Variants in COL1A2 observed in about 807,000 individuals in gnomAD.
COL1A2 encodes the protein collagen alpha-2(I) chain.
A neutral mutation model predicts 174.3 loss-of-function variants in COL1A2; 49 were observed. The ratio of observed to expected loss-of-function variants is 0.28; its 90% CI spans 0.22 to 0.36. The LOEUF is 0.36. Among genes scored for constraint, COL1A2 ranks in the 10% least tolerant of loss-of-function variants. The pLI is 1.00. For missense variants in COL1A2, 1,438 were observed against 1,822.7 expected, an observed-to-expected ratio of 0.79 and a Z score of 3.84; for synonymous variants, 655 against 606.6, an observed-to-expected ratio of 1.08 and a Z score of -1.17.
Position 94,401,255 on chromosome 7 carries a change from C to T in COL1A2, c.226-312C>T, listed in dbSNP as rs2115863875. Among the ~76,000 whole-genome samples the T allele has an allele frequency of 1.3e-5, 2 of 152,128 alleles. 1 individual carries two copies. On this transcript the variant is annotated intron_variant, in intron 5 of 51. Coordinates refer to ENST00000297268, the MANE Select transcript of COL1A2 (RefSeq NM_000089.4). ...GTAACATTAAAAGTTTAGAAAGCTTCCCTTCCTCAGAGTAGAGGTAAAAGG... is the reference window on the plus strand; with the variant it reads ...GTAACATTAAAAGTTTAGAAAGCTTTCCTTCCTCAGAGTAGAGGTAAAAGG...
intron 12 of COL1A2, 40 bp from the exon 13 acceptor site, chr7:94,407,807 T>C: frequency 6.3e-7 from 1 of 1,596,318 alleles, no homozygotes; most frequent in Middle Eastern, 1.7e-4. Context: ...AAAATAATTG[T>C]TATATTTAAT....
intron 2 of COL1A2, 86 bp downstream of exon 2, chr7:94,397,844 C>T (rs1791613756): frequency 1.3e-6 from 1 of 778,226 alleles, no homozygotes; most frequent in Non-Finnish European, 2.1e-6. Context: ...GAAGAAGTTA[C>T]ATTAATATTG....
chr7:94,407,670 C>T (rs1377590478), intron 12 of COL1A2, among the ~76,000 whole-genome samples, 177 bp from the exon 13 acceptor site: 1 of 152,128 alleles, frequency 6.6e-6, no homozygotes, highest in Non-Finnish European at 1.5e-5. Context: ...AATAAAAACT[C>T]ATGTTAGCAC....
At chr7:94,407,793 A>G in intron 12 of COL1A2, 54 bp from the exon 13 acceptor site, 1 of 1,535,648 alleles carries the variant, frequency 6.5e-7, no homozygotes, top group South Asian at 1.1e-5. Context: ...TTGCACTATC[A>G]GGAAAAATAA....
chr7:94,427,525 G>A, intron 48 of COL1A2, 102 bp from the exon 49 acceptor site: 5 of 1,388,384 alleles, frequency 3.6e-6, no homozygotes, highest in Non-Finnish European at 5.1e-6. Context: ...TTACTGATGA[G>A]AACATGCTTC....
In COL1A2 at chr7:94,425,461, G is replaced by A. The variant is rs982877947; in HGVS notation, c.2782-149G>A. ...TAAAACATCTCTAAAAAATATCTAGGTTGGCAGGTTTTTATCCCTAGTTTT... is the reference window on the plus strand; with the variant it reads ...TAAAACATCTCTAAAAAATATCTAGATTGGCAGGTTTTTATCCCTAGTTTT... On this transcript the variant is annotated intron_variant, in intron 42 of 51. Transcript: ENST00000297268. 124 of 911,564 alleles carry A rather than the reference G, an allele frequency of 1.4e-4. No individual in the cohort carries two copies. In the African/African-American group the frequency reaches 1.9e-3, roughly 14 times the overall value. The allele number at this position is 911,564 out of a possible 1,614,324, so 56.5% of individuals were successfully genotyped here.
intron 34 of COL1A2, 88 bp from the exon 35 acceptor site, chr7:94,420,145 G>A (rs1177330200): frequency 6.4e-7 from 1 of 1,558,148 alleles, no homozygotes; most frequent in Admixed American, 1.7e-5. Flanking sequence ...TACAGACTCT[G>A]TCTGTCCACC....
rs1562909650 is a variant in COL1A2, at chr7:94,431,072, C to G, written c.*679C>G. The G allele has an allele frequency of 6.6e-6, 1 of 152,450 alleles. No homozygotes were observed. Among genetic ancestry groups the G allele is most frequent in the East Asian group, 1.9e-4 (1 of 5,188 alleles). 9.4% of individuals were successfully genotyped at this position (152,450 alleles called of 1,614,324 possible). ...ATCTTCTTCAGATTCAGCATTTGTT[C>G]TTTGCCAGTCTCATTTTCATCTTCT... is the stretch of plus-strand genomic sequence containing the variant. On this transcript the variant is annotated 3_prime_UTR_variant, in exon 52 of 52. Coordinates refer to ENST00000297268, the MANE Select transcript of COL1A2 (RefSeq NM_000089.4).
At position 94,427,254 on chromosome 7, in the gene COL1A2, C is replaced by T. The variant is rs763974489; in HGVS notation, c.3226C>T (p.Pro1076Ser). 10 of 1,613,712 alleles carry T rather than the reference C, an allele frequency of 6.2e-6. No individual in the cohort carries two copies. The Admixed American group carries it at 1.3e-4, about 22-fold the overall frequency. The change falls in exon 48 of 52, where the codon CCT (proline) becomes TCT (serine). Residue 1076 changes from proline to serine, a missense_variant. By Grantham distance (74) the Pro-to-Ser change is moderately conservative. This residue lies in a region of COL1A2 where 867 missense variants were observed against 1,213.7 expected (regional missense o/e 0.71). Coordinates refer to ENST00000297268, the MANE Select transcript of COL1A2 (RefSeq NM_000089.4). The stretch of plus-strand genomic sequence containing the variant: ...CACTGGACATCCTGGTACAGTTGGA[C>T]CTGCTGGCATTCGAGGCCCTCAGGG... Reference protein sequence around the residue: ...GRTGHPGTVGPAGIRGPQGHQ... With the variant: ...GRTGHPGTVGSAGIRGPQGHQ...
chr7:94,405,990 G>GA (rs960023873), intron 11 of COL1A2, among the ~76,000 whole-genome samples: 3 of 152,134 alleles, frequency 2.0e-5, no homozygotes, highest in African/African-American at 7.2e-5. Context: ...ACAACCGTCT[G>GA]AAAATCATAA....
chr7:94,416,393 C>G lies in COL1A2; in HGVS notation c.1765-12C>G. 6.4e-7 allele frequency: 1 copy of G among 1,558,742 alleles called. No individual in the cohort carries two copies. Among genetic ancestry groups the G allele is most frequent in the African/African-American group, 1.4e-5 (1 of 73,554 alleles). Reference sequence around the variant, plus strand: ...TGAATGGTGCAACACTTCTTCTAATCACTTTTTTCAGGGGGAACGCGGTCC... The same window carrying G: ...TGAATGGTGCAACACTTCTTCTAATGACTTTTTTCAGGGGGAACGCGGTCC... On this transcript the variant is annotated splice_polypyrimidine_tract_variant and intron_variant, in intron 30 of 51. Coordinates refer to ENST00000297268, the MANE Select transcript of COL1A2 (RefSeq NM_000089.4).
chr7:94,405,034 A>C (rs1163062685), intron 9 of COL1A2, 142 bp downstream of exon 9: 2 of 1,146,390 alleles, frequency 1.7e-6, no homozygotes, highest in Non-Finnish European at 2.6e-6. Context: ...TATTATTTTA[A>C]TGAAATATTA....
chr7:94,428,716 C>T (rs1792337500), intron 50 of COL1A2, among the ~76,000 whole-genome samples: 1 of 152,194 alleles, frequency 6.6e-6, no homozygotes, highest in South Asian at 2.1e-4. Context: ...AAAAAACTGA[C>T]TAATGTCATT....
Position 94,422,983 on chromosome 7 carries a change from T to G in COL1A2, c.2430T>G (p.Pro810=). The part of the protein sequence containing the change: ...PSGISGPPGP[P]GPAGKEGLRG... ...GTATTTCTGGCCCTCCTGGTCCCCC[T>G]GGTCCTGCTGGGAAAGAAGGGCTTC... Residue 810 remains proline, a synonymous_variant, in exon 40 of 52, where the codon CCT becomes CCG. Coordinates refer to ENST00000297268, the MANE Select transcript of COL1A2 (RefSeq NM_000089.4). 1 of 1,614,158 alleles carries G rather than the reference T, an allele frequency of 6.2e-7. No individual in the cohort carries two copies. The highest frequency in any genetic ancestry group is 8.5e-7 in the Non-Finnish European group (1 of 1,180,010).
chr7:94,405,986 G>A lies in COL1A2; in HGVS notation c.540+260G>A, dbSNP rs183383563. On this transcript the variant is annotated intron_variant, in intron 11 of 51. Transcript: ENST00000297268. ...TATTACTTATTGAGTATTTACAACCGTCTGAAAATCATAAAATTATTAAGG... is the reference window on the plus strand; with the variant it reads ...TATTACTTATTGAGTATTTACAACCATCTGAAAATCATAAAATTATTAAGG... Among the ~76,000 whole-genome samples, 358 of 152,264 alleles carry A rather than the reference G, an allele frequency of 2.4e-3. 2 individuals are homozygous for A. Among genetic ancestry groups the A allele is most frequent in the African/African-American group, 8.3e-3 (344 of 41,552 alleles).
rs752453618 is a variant in COL1A2 at position 94,424,433 on chromosome 7, C to G, written c.2663C>G (p.Ala888Gly). The change falls in exon 41 of 52, where the codon GCT becomes GGT. Residue 888 changes from alanine to glycine, a missense_variant. Physicochemically the swap from Ala to Gly is moderately conservative, Grantham distance 60. This residue lies in a region of COL1A2 where 867 missense variants were observed against 1,213.7 expected (regional missense o/e 0.71). Coordinates refer to ENST00000297268, the MANE Select transcript of COL1A2 (RefSeq NM_000089.4). ...SRGERGLPGV[A>G]GAVGEPGPLG... Reference sequence around the variant, plus strand: ...GGTGAACGTGGTCTACCAGGTGTTGCTGGTGCTGTGGTGAGTGCTTGACAG... The same window carrying G: ...GGTGAACGTGGTCTACCAGGTGTTGGTGGTGCTGTGGTGAGTGCTTGACAG... 57 of 1,613,992 alleles carry G rather than the reference C, an allele frequency of 3.5e-5. No individual in the cohort carries two copies. Among genetic ancestry groups the G allele is most frequent in the Non-Finnish European group, 4.7e-5 (55 of 1,179,914 alleles).
chr7:94,416,366 G>A, intron 30 of COL1A2, 39 bp from the exon 31 acceptor site: 1 of 1,508,610 alleles, frequency 6.6e-7, no homozygotes, highest in South Asian at 1.2e-5. Context: ...CACTGAAAGT[G>A]ATGAATGGTG....
In COL1A2 at chr7:94,427,576, C is replaced by G. The variant is rs376454971; in HGVS notation, c.3268-51C>G. Reference sequence around the variant, plus strand: ...TGAAAATCTGCTGCCATGGATGTCTCTCACTGTAACAAAATATAAAGCCTC... The same window carrying G: ...TGAAAATCTGCTGCCATGGATGTCTGTCACTGTAACAAAATATAAAGCCTC... On this transcript the variant is annotated intron_variant, in intron 48 of 51. Transcript: ENST00000297268. 1.9e-6 allele frequency: 3 copies of G among 1,606,870 alleles called. No homozygotes were observed. In the African/African-American group the frequency reaches 4.0e-5, roughly 21 times the overall value.
Position 94,404,855 on chromosome 7 carries a change from G to A in COL1A2, c.395G>A (p.Arg132His), listed in dbSNP as rs372678526. ...TTTTCTTAGGGTCCTGCAGGTGCTC[G>A]TGGTCCAGCTGGCCCTCCTGGCAAG... ...EPGQTGPAGA[R>H]GPAGPPGKAG... The change falls in exon 9 of 52, where the codon CGT (arginine) becomes CAT (histidine). Residue 132 changes from arginine (R) to histidine (H), a missense_variant. Around this residue, in one of 3 missense-constraint regions of COL1A2, gnomAD observed 281 missense variants for 310.9 expected, o/e 0.90. Transcript: ENST00000297268. 116 of 1,613,890 alleles carry A rather than the reference G, an allele frequency of 7.2e-5. No individual in the cohort carries two copies. Among genetic ancestry groups the A allele is most frequent in the African/African-American group, 2.8e-4 (21 of 74,884 alleles).
Sources: gnomAD v4.1 joint callset for allele counts (sites outside exome capture counted in the v4.1 genomes callset) on GRCh38, gnomAD v4.1.1 for gene constraint, gnomAD v4.1.1 regional missense constraint, MANE v1.5 for transcripts, NCBI Gene and HGNC (gene_info 2026-07-23, HGNC 2026-07-21) for gene names.